GRM8: variants seen among roughly 807,000 people sequenced by gnomAD.
GRM8 encodes the protein glutamate metabotropic receptor 8.
A neutral mutation model predicts 87.2 loss-of-function variants in GRM8; 47 were observed. That is an observed-to-expected ratio of 0.54 (90% CI 0.43 to 0.69). The LOEUF is 0.69. GRM8 is among the 30% of genes least tolerant of loss of function. GRM8 has a pLI of 0.00. For synonymous variants in GRM8, 396 were observed against 404.5 expected, an observed-to-expected ratio of 0.98 and a Z score of 0.25; for missense variants, 1,019 against 1,139.2, an observed-to-expected ratio of 0.89 and a Z score of 1.52.
At chr7:126,980,677 C>A (rs1811431707) in intron 3 of GRM8, among the ~76,000 whole-genome samples, 1 of 152,094 alleles carries the variant, frequency 6.6e-6, no homozygotes, top group South Asian at 2.1e-4. Context: ...TGGAAGATAC[C>A]ACCTCCTCAG....
chr7:126,741,806 T>A lies in GRM8; in HGVS notation c.1357+28059A>T, dbSNP rs79650867. On this transcript the variant is annotated intron_variant, in intron 7 of 10. Transcript: ENST00000339582. ...GATTGTGGGAAGCAGTACAGCATGA[T>A]GTTTAAGAGTGGATGCAAATCCCAA... Among the ~76,000 whole-genome samples, 1,028 of 152,216 alleles carry A rather than the reference T, an allele frequency of 6.8e-3. 12 individuals are homozygous for A. Among genetic ancestry groups the A allele is most frequent in the African/African-American group, 0.023 (958 of 41,542 alleles).
intron 2 of GRM8, among the ~76,000 whole-genome samples, chr7:127,199,307 G>A (rs1267118821): frequency 6.6e-6 from 1 of 152,210 alleles, no homozygotes; most frequent in African/African-American, 2.4e-5. Context: ...CTAATGCACA[G>A]CCAATTGAAT....
intron 9 of GRM8, among the ~76,000 whole-genome samples, chr7:126,504,164 A>G (rs749796485): frequency 2.6e-5 from 4 of 152,024 alleles, no homozygotes; most frequent in Non-Finnish European, 4.4e-5. Flanking sequence ...GGAAATGTAC[A>G]CGTGATTTAC....
chr7:126,533,103 A>T lies in GRM8; in HGVS notation c.2279T>A (p.Met760Lys). 6.2e-7 allele frequency: 1 copy of T among 1,613,634 alleles called. No individual in the cohort carries two copies. The highest frequency in any genetic ancestry group is 8.5e-7 in the Non-Finnish European group (1 of 1,179,890). The change falls in exon 9 of 11, where the codon ATG becomes AAG. Residue 760 changes from methionine to lysine, a missense_variant. Met to Lys is a moderately conservative substitution (Grantham distance 95). Transcript: ENST00000339582. ...AATGGCATAAACAGTACAAGTGACC[A>T]TCAAGAGGATACTGTATCCAAGTGA... ...ICSLGYSILL[M>K]VTCTVYAIKT...
intron 2 of GRM8, among the ~76,000 whole-genome samples, chr7:127,132,701 C>A (rs1255465829): frequency 6.6e-6 from 1 of 151,938 alleles, no homozygotes; most frequent in Non-Finnish European, 1.5e-5. Flanking sequence ...CCTTCCTGGC[C>A]TCGCAAGTAC....
chr7:127,140,366 A>G (rs996269435), intron 2 of GRM8, among the ~76,000 whole-genome samples: 1 of 152,146 alleles, frequency 6.6e-6, no homozygotes, highest in South Asian at 2.1e-4. Flanking sequence ...TGAGACAGCA[A>G]ATCTCTTCCA....
At chr7:127,116,286 C>T (rs146530737) in intron 2 of GRM8, among the ~76,000 whole-genome samples, 2 of 152,272 alleles carry the variant, frequency 1.3e-5, no homozygotes, top group East Asian at 1.9e-4. Flanking sequence ...AGTGCATATG[C>T]AAAATTACAC....
rs371339571 is a variant in GRM8, at chr7:126,756,166, G to A, written c.1357+13699C>T. ...AAATCTCTAAGTGAAAAAAAAGGAT[G>A]GGTTCAACAAATAGTGCTGGAACAA... is the stretch of plus-strand genomic sequence containing the variant. On this transcript the variant is annotated intron_variant, in intron 7 of 10. Transcript: ENST00000339582. Among the ~76,000 whole-genome samples the A allele has an allele frequency of 2.0e-5, 3 of 151,856 alleles. No individual in the cohort carries two copies. In the East Asian group the frequency reaches 5.8e-4, roughly 29 times the overall value.
At chr7:126,651,450 T>C (rs1803858249) in intron 7 of GRM8, among the ~76,000 whole-genome samples, 2 of 152,094 alleles carry the variant, frequency 1.3e-5, no homozygotes, top group South Asian at 4.2e-4. Context: ...GTTTCTCCCA[T>C]AGCCAAGATT....
chr7:126,797,529 C>A (rs1822094572), intron 6 of GRM8, among the ~76,000 whole-genome samples: 1 of 151,912 alleles, frequency 6.6e-6, no homozygotes, highest in Non-Finnish European at 1.5e-5. Flanking sequence ...TGAATATATT[C>A]ATTAGGACTG....
At chr7:126,627,645 C>A (rs935115555) in intron 7 of GRM8, among the ~76,000 whole-genome samples, 2 of 152,038 alleles carry the variant, frequency 1.3e-5, no homozygotes, top group Non-Finnish European at 2.9e-5. Context: ...GAATGCCTCC[C>A]ATATTCCCCA....
chr7:126,477,579 GAGAGAA>G (rs1280612278), intron 9 of GRM8, among the ~76,000 whole-genome samples: 1,665 of 81,180 alleles, frequency 0.021, 19 homozygotes, highest in African/African-American at 0.058. Context: ...AAGAAAGAAA[GAGAGAA>G]AGAAAGAAAG....
chr7:126,771,999 T>A (rs1478611417), intron 6 of GRM8, among the ~76,000 whole-genome samples: 3 of 152,126 alleles, frequency 2.0e-5, no homozygotes, highest in African/African-American at 7.2e-5. Flanking sequence ...GTTCCCAGAA[T>A]CATTCATCAA....
intron 2 of GRM8, among the ~76,000 whole-genome samples, chr7:127,232,476 C>T (rs970797414): frequency 1.3e-4 from 20 of 152,146 alleles, no homozygotes; most frequent in African/African-American, 4.8e-4. Context: ...TCTTGAACTC[C>T]TGGGCTCAAG....
intron 2 of GRM8, among the ~76,000 whole-genome samples, chr7:127,211,727 T>G (rs1796221682): frequency 6.6e-6 from 1 of 152,202 alleles, no homozygotes; most frequent in African/African-American, 2.4e-5. Flanking sequence ...CCTGTGAAGA[T>G]GCAGCAACCA....
At chr7:126,508,300 G>C (rs1180492327) in intron 9 of GRM8, among the ~76,000 whole-genome samples, 1 of 148,300 alleles carries the variant, frequency 6.7e-6, no homozygotes, top group Non-Finnish European at 1.5e-5. Context: ...TCACAGTTCT[G>C]GGGGGCTGAA....
intron 9 of GRM8, among the ~76,000 whole-genome samples, chr7:126,522,698 T>C (rs1813182457): frequency 6.6e-6 from 1 of 152,212 alleles, no homozygotes; most frequent in Non-Finnish European, 1.5e-5. Context: ...AAACCCACTA[T>C]TTCTATTGTC....
chr7:126,561,609 A>T (rs2150960002), intron 8 of GRM8, among the ~76,000 whole-genome samples: 1 of 151,794 alleles, frequency 6.6e-6, no homozygotes, highest in Non-Finnish European at 1.5e-5. Flanking sequence ...TATTTTATTT[A>T]TTTTTTTATT....
intron 7 of GRM8, among the ~76,000 whole-genome samples, chr7:126,760,005 C>T (rs1431265954): frequency 6.6e-6 from 1 of 152,068 alleles, no homozygotes; most frequent in African/African-American, 2.4e-5. Flanking sequence ...AGAAAAAATA[C>T]AAACTATTAG....
Sources: gnomAD v4.1 joint callset for allele counts (sites outside exome capture counted in the v4.1 genomes callset) on GRCh38, gnomAD v4.1.1 for gene constraint, MANE v1.5 for transcripts, NCBI Gene and HGNC (gene_info 2026-07-23, HGNC 2026-07-21) for gene names.